Variants in RFX3 observed in about 807,000 individuals in gnomAD.
The protein encoded by RFX3 is regulatory factor X3.
A neutral mutation model predicts 98.6 loss-of-function variants in RFX3; 14 were observed. That is an observed-to-expected ratio of 0.14 (90% confidence interval 0.09 to 0.22). RFX3 has a LOEUF of 0.22. RFX3 is among the 10% of genes least tolerant of loss of function. The pLI, the probability that RFX3 is intolerant of heterozygous loss-of-function variation, is 1.00. For synonymous variants in RFX3, 383 were observed against 328.4 expected, an observed-to-expected ratio of 1.17 and a Z score of -1.80; for missense variants, 639 against 926.9, an observed-to-expected ratio of 0.69 and a Z score of 4.03.
At chr9:3,506,228 G>C (rs980364967) in intron 1 of RFX3, among the ~76,000 whole-genome samples, 1 of 150,292 alleles carries the variant, frequency 6.7e-6, no homozygotes, top group African/African-American at 2.4e-5. Context: ...TAAAAAAAAA[G>C]GTTTTTCAGG....
intron 2 of RFX3, among the ~76,000 whole-genome samples, chr9:3,356,381 C>T (rs976909193): frequency 1.3e-5 from 2 of 151,750 alleles, no homozygotes; most frequent in Non-Finnish European, 2.9e-5. Context: ...AACGTAGTGT[C>T]AATAAATTCA....
At chr9:3,484,790 A>C (rs2133406822) in intron 1 of RFX3, among the ~76,000 whole-genome samples, 1 of 152,302 alleles carries the variant, frequency 6.6e-6, no homozygotes, top group South Asian at 2.1e-4. Flanking sequence ...TGGGCAGTTA[A>C]ATAGTAAACA....
chr9:3,309,083 C>T (rs1829666269), intron 4 of RFX3, among the ~76,000 whole-genome samples: 1 of 152,106 alleles, frequency 6.6e-6, no homozygotes. Flanking sequence ...GGCCTTTGTT[C>T]TTGTCAGGTA....
chr9:3,311,888 C>T (rs550510359), intron 4 of RFX3, among the ~76,000 whole-genome samples: 20 of 152,162 alleles, frequency 1.3e-4, no homozygotes, highest in East Asian at 5.8e-4. Context: ...TGCCCACCCC[C>T]CTACTCCCCC....
rs561054353 is a variant in RFX3, at chr9:3,469,195, G to C, written c.-9+56552C>G. 3 of 455,706 alleles carry C rather than the reference G, an allele frequency of 6.6e-6. No individual in the cohort carries two copies. The Admixed American group carries it at 7.1e-5, about 11-fold the overall frequency. The allele number at this position is 455,706 out of a possible 1,614,324, so 28.2% of individuals were successfully genotyped here. On this transcript the variant is annotated intron_variant, in intron 1 of 16. Coordinates refer to ENST00000617270, the MANE Select transcript of RFX3 (RefSeq NM_001282116.2). ...AGAAATACATGTCCAAAGTTGAACTGCTGCAAAAAGACAGAAAATGCATAC... is the reference window on the plus strand; with the variant it reads ...AGAAATACATGTCCAAAGTTGAACTCCTGCAAAAAGACAGAAAATGCATAC...
intron 2 of RFX3, among the ~76,000 whole-genome samples, chr9:3,386,425 G>T (rs1378637318): frequency 6.6e-6 from 1 of 152,034 alleles, no homozygotes. Flanking sequence ...AGCTATAAAT[G>T]AGCAAGACAT....
intron 4 of RFX3, among the ~76,000 whole-genome samples, chr9:3,310,201 G>A (rs913593618): frequency 3.3e-5 from 5 of 152,140 alleles, no homozygotes; most frequent in Admixed American, 6.5e-5. Context: ...AAGAGGTGTT[G>A]AGTCTTTTGT....
intron 2 of RFX3, chr9:3,394,777 G>A: frequency 1.1e-6 from 1 of 947,564 alleles, no homozygotes. Context: ...TCTCACTTAT[G>A]TTCTCACCAC....
intron 1 of RFX3, among the ~76,000 whole-genome samples, chr9:3,471,619 C>G (rs760259071): frequency 6.6e-6 from 1 of 152,150 alleles, no homozygotes; most frequent in Non-Finnish European, 1.5e-5. Context: ...TATAGAATTA[C>G]GTTTAAAATA....
chr9:3,278,743 C>T (rs1444798746), intron 7 of RFX3, among the ~76,000 whole-genome samples: 3 of 151,730 alleles, frequency 2.0e-5, no homozygotes, highest in Non-Finnish European at 4.4e-5. Context: ...CAAATAATTG[C>T]CAAATCTCTC....
intron 15 of RFX3, among the ~76,000 whole-genome samples, chr9:3,230,313 T>C (rs1230045634): frequency 1.3e-5 from 2 of 152,228 alleles, no homozygotes; most frequent in African/African-American, 4.8e-5. Context: ...CATGTAATTA[T>C]TAGTATGTTT....
intron 1 of RFX3, among the ~76,000 whole-genome samples, chr9:3,414,812 A>G (rs1321190413): frequency 7.2e-6 from 1 of 138,514 alleles, no homozygotes; most frequent in Non-Finnish European, 1.5e-5. Flanking sequence ...GTATATATGT[A>G]TATATGAGTA....
At chr9:3,346,865 T>A in intron 2 of RFX3, 101 bp from the exon 3 acceptor site, 1 of 741,304 alleles carries the variant, frequency 1.3e-6, no homozygotes, top group Non-Finnish European at 2.4e-6. Flanking sequence ...TATTGATAAA[T>A]TTGAGAAAGA....
At chr9:3,367,574 G>A (rs938375949) in intron 2 of RFX3, among the ~76,000 whole-genome samples, 3 of 152,138 alleles carry the variant, frequency 2.0e-5, no homozygotes, top group African/African-American at 7.2e-5. Flanking sequence ...TACACAGCAA[G>A]AAGAAACTAA....
chr9:3,483,143 A>G (rs562702006), intron 1 of RFX3, among the ~76,000 whole-genome samples: 2 of 152,300 alleles, frequency 1.3e-5, no homozygotes, highest in African/African-American at 4.8e-5. Flanking sequence ...GTGGGCAGCT[A>G]CTACTCTCAG....
Position 3,347,453 on chromosome 9 carries a change from C to G in RFX3, c.118-689G>C, listed in dbSNP as rs889499620. The stretch of plus-strand genomic sequence containing the variant: ...TCAAACACTCAAATATGTAAAAAAT[C>G]CTGTAATAACCCTATGTACTTGTCA... On this transcript the variant is annotated intron_variant, in intron 2 of 16. Coordinates refer to ENST00000617270, the MANE Select transcript of RFX3 (RefSeq NM_001282116.2). Among the ~76,000 whole-genome samples, 32 of 152,044 alleles carry G rather than the reference C, an allele frequency of 2.1e-4. 1 individual carries two copies. Among genetic ancestry groups the G allele is most frequent in the African/African-American group, 7.7e-4 (32 of 41,456 alleles).
At chr9:3,414,735 TGTATATATGA>T (rs1431357027) in intron 1 of RFX3, among the ~76,000 whole-genome samples, 9 of 47,356 alleles carry the variant, frequency 1.9e-4, no homozygotes, top group South Asian at 2.2e-3. Context: ...TGAGTATATA[TGTATATATGA>T]GTATATATGA....
intron 11 of RFX3, among the ~76,000 whole-genome samples, chr9:3,268,673 C>A (rs903461994): frequency 6.6e-6 from 1 of 151,708 alleles, no homozygotes; most frequent in Non-Finnish European, 1.5e-5. Context: ...GTTTTCAAAT[C>A]AAAATTTGCA....
chr9:3,465,458 C>CTTTTTTTTTTTT (rs34093115), intron 1 of RFX3, among the ~76,000 whole-genome samples: 1 of 129,686 alleles, frequency 7.7e-6, no homozygotes, highest in Non-Finnish European at 1.6e-5. Context: ...GCCCAGGTAA[C>CTTTTTTTTTTTT]TTTTTTTTTT....
Sources: gnomAD v4.1 joint callset for allele counts (sites outside exome capture counted in the v4.1 genomes callset) on GRCh38, gnomAD v4.1.1 for gene constraint, MANE v1.5 for transcripts, NCBI Gene and HGNC (gene_info 2026-07-23, HGNC 2026-07-21) for gene names.